The following NPHP3 variants were observed in gnomAD, a reference collection of about 807,000 sequenced individuals.
The protein encoded by NPHP3 is nephrocystin-3.
A neutral mutation model predicts 171.9 loss-of-function variants in NPHP3; 123 were observed. The ratio of observed to expected loss-of-function variants is 0.72; its 90% CI spans 0.62 to 0.83. NPHP3 has a LOEUF of 0.83. NPHP3 is among the 40% of genes least tolerant of loss of function. The pLI, the probability that NPHP3 is intolerant of heterozygous loss-of-function variation, is 0.00. For missense variants in NPHP3, 1,506 were observed against 1,591.9 expected (o/e 0.95, Z 0.92); for synonymous variants, 558 against 579.2 (o/e 0.96, Z 0.52).
At chr3:132,708,752 T>C (rs1017950045) in intron 6 of NPHP3, among the ~76,000 whole-genome samples, 2 of 152,218 alleles carry the variant, frequency 1.3e-5, no homozygotes, top group African/African-American at 2.4e-5. Context: ...TTTAATGCCT[T>C]TAATTTGACC....
chr3:132,717,853 G>C, intron 3 of NPHP3: 1 of 208,396 alleles, frequency 4.8e-6, no homozygotes, highest in Non-Finnish European at 9.7e-6. Flanking sequence ...CACCTCCTGG[G>C]TTCAAGTGAT....
intron 15 of NPHP3, 66 bp from the exon 16 acceptor site, chr3:132,695,031 G>C (rs12633369): frequency 2.7e-5 from 41 of 1,504,548 alleles, no homozygotes; most frequent in Non-Finnish European, 3.5e-5. Context: ...TTTTGAGATC[G>C]ATTAAAAACA....
chr3:132,699,324 C>T, intron 13 of NPHP3, 29 bp downstream of exon 13: 1 of 1,440,728 alleles, frequency 6.9e-7, no homozygotes, highest in Non-Finnish European at 9.8e-7. Flanking sequence ...ATTTCATGTA[C>T]TCTGAAAGAA....
chr3:132,683,562 CAATA>C (rs1432769024), intron 24 of NPHP3, 38 bp from the exon 25 acceptor site: 3 of 1,532,740 alleles, frequency 2.0e-6, no homozygotes, highest in Non-Finnish European at 2.7e-6. Flanking sequence ...AAATATAAGG[CAATA>C]AATACTATCT....
chr3:132,685,997 C>A (rs1004211206), intron 23 of NPHP3: 3 of 371,084 alleles, frequency 8.1e-6, no homozygotes, highest in Non-Finnish European at 1.5e-5. Context: ...TGCAGTGAGC[C>A]GAGATCACAC....
chr3:132,700,077 A>T lies in NPHP3; in HGVS notation c.1744-16T>A. On this transcript the variant is annotated splice_polypyrimidine_tract_variant and intron_variant, in intron 11 of 26. Transcript: ENST00000337331. Reference sequence around the variant, plus strand: ...GCTGCATCAACTACAAGATAAGAACACACACAAACTGAAGTAGTTACACGT... The same window carrying T: ...GCTGCATCAACTACAAGATAAGAACTCACACAAACTGAAGTAGTTACACGT... 6.2e-7 allele frequency: 1 copy of T among 1,613,770 alleles called. No individual in the cohort carries two copies. Among genetic ancestry groups the T allele is most frequent in the South Asian group, 1.1e-5 (1 of 91,064 alleles).
rs1939040237 is a variant in NPHP3, at chr3:132,681,890, A to G, written c.*20T>C. 6.2e-7 allele frequency: 1 copy of G among 1,604,586 alleles called. No individual in the cohort carries two copies. Among genetic ancestry groups the G allele is most frequent in the African/African-American group, 1.3e-5 (1 of 74,746 alleles). ...TATTTTGTCTTAAGGTACATTTGCA[A>G]AGAATTCTAACTGCTGCTATTACCT... On this transcript the variant is annotated 3_prime_UTR_variant, in exon 27 of 27. Transcript: ENST00000337331.
At chr3:132,682,621 GT>G in intron 26 of NPHP3, 81 bp downstream of exon 26, 1 of 854,068 alleles carries the variant, frequency 1.2e-6, no homozygotes, top group South Asian at 1.4e-5. Flanking sequence ...AAAACATTCA[GT>G]AATACATATT....
rs753467164 is a variant in NPHP3, at chr3:132,722,240, C to A, written c.116G>T (p.Arg39Leu). 5.8e-6 allele frequency: 9 copies of A among 1,559,376 alleles called. No homozygotes were observed. In the East Asian group the frequency reaches 2.0e-4, roughly 35 times the overall value. Reference sequence around the variant, plus strand: ...TCGGCGGAACGAGTTGCGCAGCAGGCGGGCCTTGGGCTTCACCTCCACCGG... The same window carrying A: ...TCGGCGGAACGAGTTGCGCAGCAGGAGGGCCTTGGGCTTCACCTCCACCGG... ...EIPVEVKPKA[R>L]LLRNSFRRGA... Residue 39 changes from arginine (R) to leucine (L), a missense_variant, in exon 1 of 27, where the codon CGC (arginine) becomes CTC (leucine). Arg to Leu is a moderately radical substitution (Grantham distance 102). Around this residue, in one of 3 missense-constraint regions of NPHP3, gnomAD observed 930 missense variants for 924.9 expected, o/e 1.01. Coordinates refer to ENST00000337331, the MANE Select transcript of NPHP3 (RefSeq NM_153240.5).
rs1262733365 is a variant in NPHP3, at chr3:132,681,763, AATCC to A, written c.*143_*146del. 1.4e-6 allele frequency: 1 copy of A among 717,002 alleles called. No individual in the cohort carries two copies. The highest frequency in any genetic ancestry group is 1.8e-5 in the African/African-American group (1 of 56,596). The allele number at this position is 717,002 out of a possible 1,614,324, so 44.4% of individuals were successfully genotyped here. ...CATAATCACAATTCCAACTTAATGT[AATCC>A]AATACAACTTCATACAAATAGCAGT... On this transcript the variant is annotated 3_prime_UTR_variant, in exon 27 of 27. Coordinates refer to ENST00000337331, the MANE Select transcript of NPHP3 (RefSeq NM_153240.5).
intron 11 of NPHP3, 35 bp from the exon 12 acceptor site, chr3:132,700,096 T>C: frequency 1.2e-6 from 2 of 1,610,338 alleles, no homozygotes; most frequent in Non-Finnish European, 1.7e-6. Flanking sequence ...CTGAAGTAGT[T>C]ACACGTAGTT....
chr3:132,715,232 T>C lies in NPHP3; in HGVS notation c.824-14A>G. 8 of 1,610,472 alleles carry C rather than the reference T, an allele frequency of 5.0e-6. No individual in the cohort carries two copies. The highest frequency in any genetic ancestry group is 6.8e-6 in the Non-Finnish European group (8 of 1,177,248). On this transcript the variant is annotated splice_polypyrimidine_tract_variant and intron_variant, in intron 4 of 26. Transcript: ENST00000337331. Reference sequence around the variant, plus strand: ...TATCCCAGTCATCTGAAAATAAAATTTCTCAAGTTCATGAAAAAATTACCA... The same window carrying C: ...TATCCCAGTCATCTGAAAATAAAATCTCTCAAGTTCATGAAAAAATTACCA...
chr3:132,709,296 T>C (rs948337981), intron 6 of NPHP3, among the ~76,000 whole-genome samples: 71 of 139,008 alleles, frequency 5.1e-4, no homozygotes, highest in Middle Eastern at 3.6e-3. Flanking sequence ...TTTTTTTTTT[T>C]TTTTGAGACA....
intron 7 of NPHP3, among the ~76,000 whole-genome samples, chr3:132,706,299 G>C (rs937531305): frequency 1.3e-5 from 2 of 151,028 alleles, no homozygotes; most frequent in East Asian, 2.0e-4. Flanking sequence ...GCGGAGCTTG[G>C]AGTGAGCTGA....
In NPHP3 at chr3:132,680,700, T is replaced by C. The variant is rs1939001860; in HGVS notation, c.*1210A>G. Reference sequence around the variant, plus strand: ...TCAATACATGTTAGGATCTTACAAGTATTAAATTGATGATTTTATTATATA... The same window carrying C: ...TCAATACATGTTAGGATCTTACAAGCATTAAATTGATGATTTTATTATATA... On this transcript the variant is annotated 3_prime_UTR_variant, in exon 27 of 27. Transcript: ENST00000337331. 6.6e-6 allele frequency: 1 copy of C among 152,198 alleles called. No individual in the cohort carries two copies. Among genetic ancestry groups the C allele is most frequent in the African/African-American group, 2.4e-5 (1 of 41,442 alleles). The allele number at this position is 152,198 out of a possible 1,614,324, so 9.4% of individuals were successfully genotyped here. A position where few individuals can be genotyped will look rare whatever the true frequency, so the allele number is the denominator to read the frequency against.
At position 132,713,233 on chromosome 3, in the gene NPHP3, A is replaced by T; in HGVS notation, c.1011T>A (p.His337Gln). The change falls in exon 6 of 27, where the codon CAT (histidine) becomes CAA (glutamine). Residue 337 changes from histidine to glutamine, a missense_variant. Physicochemically the swap from His to Gln is conservative, Grantham distance 24 (BLOSUM62 0). This residue lies in a region of NPHP3 where 930 missense variants were observed against 924.9 expected (regional missense o/e 1.01). Coordinates refer to ENST00000337331, the MANE Select transcript of NPHP3 (RefSeq NM_153240.5). ...CAACATCTATTGGAAAATAAACAGC[A>T]TGGAAAAAATATCCCATTGTCTCGC... ...RMCETMGYFF[H>Q]AVYFPIDVEN... 6.2e-7 allele frequency: 1 copy of T among 1,602,440 alleles called. No homozygotes were observed. Among genetic ancestry groups the T allele is most frequent in the Non-Finnish European group, 8.5e-7 (1 of 1,172,856 alleles).
chr3:132,682,179 G>T, intron 26 of NPHP3, 89 bp from the exon 27 acceptor site: 3 of 1,229,222 alleles, frequency 2.4e-6, no homozygotes, highest in South Asian at 1.2e-5. Context: ...AAAAGAAGCT[G>T]TAAATATTTG....
chr3:132,716,923 G>T lies in NPHP3; in HGVS notation c.671-14C>A, dbSNP rs370887292. On this transcript the variant is annotated splice_polypyrimidine_tract_variant and intron_variant, in intron 3 of 26. Transcript: ENST00000337331. Reference sequence around the variant, plus strand: ...GGGTTCCAGCAGCTGTTCAGCAAGAGATTTTTATCTTGTGAAAGCCAACTT... The same window carrying T: ...GGGTTCCAGCAGCTGTTCAGCAAGATATTTTTATCTTGTGAAAGCCAACTT... 26 of 1,612,800 alleles carry T rather than the reference G, an allele frequency of 1.6e-5. No individual in the cohort carries two copies. Among genetic ancestry groups the T allele is most frequent in the Middle Eastern group, 1.6e-4 (1 of 6,082 alleles).
chr3:132,718,844 CAG>C, intron 3 of NPHP3, 148 bp downstream of exon 3: 1 of 761,526 alleles, frequency 1.3e-6, no homozygotes, highest in Non-Finnish European at 2.2e-6. Flanking sequence ...TAGCAGCTGA[CAG>C]AGAGAACACA....
Sources: allele counts gnomAD v4.1 joint callset (sites outside exome capture counted in the v4.1 genomes callset), GRCh38; gene constraint gnomAD v4.1.1; regional missense constraint gnomAD v4.1.1; transcripts MANE v1.5; gene names NCBI Gene and HGNC (gene_info 2026-07-23, HGNC 2026-07-21).